Variants in TEX11 observed in about 807,000 individuals in gnomAD.
The protein encoded by TEX11 is testis expressed 11.
Under a neutral mutation model 84.4 loss-of-function variants are expected in TEX11, and 7 were observed. The ratio of observed to expected loss-of-function variants is 0.08; its 90% CI spans 0.05 to 0.16. TEX11 has a LOEUF of 0.16. Ranked by LOEUF, TEX11 falls within the 10% of genes least tolerant of loss-of-function variation. The pLI is 1.00. For synonymous variants in TEX11, 264 were observed against 222.8 expected, an observed-to-expected ratio of 1.18 and a Z score of -1.64; for missense variants, 551 against 660.5, an observed-to-expected ratio of 0.83 and a Z score of 1.82.
At chrX:70,772,640 C>T (rs2090978482) in intron 9 of TEX11, among the ~76,000 whole-genome samples, 2 of 111,201 alleles carry the variant, frequency 1.8e-5, no homozygotes, top group Non-Finnish European at 3.8e-5. Context: ...AAGCACCAGT[C>T]ACCAATTCTA....
chrX:70,873,329 C>G (rs779253502), intron 3 of TEX11, 22 bp from the exon 4 acceptor site: 134 of 1,065,313 alleles, frequency 1.3e-4, no homozygotes, highest in Non-Finnish European at 1.7e-4. Context: ...GAAACATTTC[C>G]TTAGTTAGTT....
chrX:70,769,250 A>G (rs1396576828), intron 9 of TEX11, among the ~76,000 whole-genome samples: 1 of 111,657 alleles, frequency 9.0e-6, no homozygotes, highest in African/African-American at 3.2e-5. Context: ...TTGATCACTA[A>G]AAAACAATAG....
intron 16 of TEX11, among the ~76,000 whole-genome samples, chrX:70,661,924 A>G (rs1041117064): frequency 8.9e-6 from 1 of 112,052 alleles, no homozygotes; most frequent in African/African-American, 3.2e-5. Flanking sequence ...GGGAAAAAAC[A>G]GAGCAGAAAA....
At chrX:70,602,084 A>G (rs1341983201) in intron 24 of TEX11, among the ~76,000 whole-genome samples, 1 of 111,272 alleles carries the variant, frequency 9.0e-6, no homozygotes, top group Non-Finnish European at 1.9e-5. Flanking sequence ...GGCCGGGCAG[A>G]GGGGCTCCTC....
At position 70,624,105 on chromosome X, in the gene TEX11, GAGA is replaced by G. The variant is rs1028056670; in HGVS notation, c.1695-102_1695-100del. On this transcript the variant is annotated intron_variant, in intron 19 of 29. Coordinates refer to ENST00000374333, the MANE Select transcript of TEX11 (RefSeq NM_031276.3). ...TACTAACCTTGATTACTCTGGGAGG[GAGA>G]AGTGAGAAAAGAGAGGGTAAAGGGG... The G allele has an allele frequency of 2.0e-5, 11 of 550,096 alleles. No homozygotes were observed. In the African/African-American group the frequency reaches 2.6e-4, roughly 13 times the overall value. The allele number at this position is 550,096 out of a possible 1,213,427, so 45.3% of individuals were successfully genotyped here. A position where few individuals can be genotyped will look rare whatever the true frequency, so the allele number is the denominator to read the frequency against.
At chrX:70,583,053 T>A (rs887868880) in intron 25 of TEX11, among the ~76,000 whole-genome samples, 1 of 111,323 alleles carries the variant, frequency 9.0e-6, no homozygotes, top group East Asian at 2.8e-4. Flanking sequence ...TTTGTTTAAA[T>A]AGGTAACCAA....
chrX:70,644,675 A>G lies in TEX11; in HGVS notation c.1483+6775T>C, dbSNP rs745460609. Among the ~76,000 whole-genome samples, 801 of 92,226 alleles carry G rather than the reference A, an allele frequency of 8.7e-3. 7 individuals are homozygous for G. The highest frequency in any genetic ancestry group is 0.031 in the African/African-American group (779 of 25,258). The allele number at this position is 92,226 out of a possible 115,157, so 80.1% of individuals were successfully genotyped here. On this transcript the variant is annotated intron_variant, in intron 17 of 29. Transcript: ENST00000374333. ...TTCTCAGTAAACTATCGCAAGAACAAAAAACCAAACACCGCATATTCTCAC... is the reference window on the plus strand; with the variant it reads ...TTCTCAGTAAACTATCGCAAGAACAGAAAACCAAACACCGCATATTCTCAC...
At chrX:70,788,208 C>T (rs1444512912) in intron 9 of TEX11, among the ~76,000 whole-genome samples, 1 of 111,740 alleles carries the variant, frequency 8.9e-6, no homozygotes, top group Non-Finnish European at 1.9e-5. Flanking sequence ...TTAGCAAATG[C>T]TACAATGAGC....
intron 20 of TEX11, among the ~76,000 whole-genome samples, chrX:70,618,835 C>T (rs1294723746): frequency 8.9e-6 from 1 of 111,768 alleles, no homozygotes; most frequent in Non-Finnish European, 1.9e-5. Flanking sequence ...GAGATATATC[C>T]TCCTTGGAAT....
At chrX:70,797,567 G>T (rs759859091) in intron 9 of TEX11, among the ~76,000 whole-genome samples, 2 of 109,497 alleles carry the variant, frequency 1.8e-5, no homozygotes, top group African/African-American at 6.6e-5. Flanking sequence ...ATCAAAGCCA[G>T]ACAAGGACAT....
chrX:70,743,021 T>C (rs1436228661), intron 10 of TEX11, among the ~76,000 whole-genome samples: 3 of 111,497 alleles, frequency 2.7e-5, no homozygotes, highest in Non-Finnish European at 3.8e-5. Flanking sequence ...TGAAACTCTA[T>C]ACCCACTAAA....
At chrX:70,734,455 A>T (rs1287626433) in intron 11 of TEX11, among the ~76,000 whole-genome samples, 1 of 111,726 alleles carries the variant, frequency 9.0e-6, no homozygotes, top group Non-Finnish European at 1.9e-5. Context: ...AAAGTTTCCA[A>T]TTCAACATAA....
intron 9 of TEX11, among the ~76,000 whole-genome samples, chrX:70,793,129 C>T (rs908515212): frequency 9.0e-6 from 1 of 111,316 alleles, no homozygotes; most frequent in Admixed American, 9.6e-5. Flanking sequence ...AAAATGCATT[C>T]AATAAAATCC....
chrX:70,639,693 C>A (rs747034576), intron 17 of TEX11, among the ~76,000 whole-genome samples: 4 of 111,594 alleles, frequency 3.6e-5, no homozygotes, highest in Non-Finnish European at 5.7e-5. Flanking sequence ...CTCCAGCAGA[C>A]CTGCAGCTGA....
chrX:70,619,000 C>T (rs918750480), intron 20 of TEX11, among the ~76,000 whole-genome samples: 2 of 111,457 alleles, frequency 1.8e-5, no homozygotes, highest in African/African-American at 3.3e-5. Flanking sequence ...AGATAGACTC[C>T]TCTGTTTTTC....
At chrX:70,868,820 T>A (rs1398660505) in intron 4 of TEX11, among the ~76,000 whole-genome samples, 1 of 109,422 alleles carries the variant, frequency 9.1e-6, no homozygotes, top group African/African-American at 3.3e-5. Flanking sequence ...AAGTGGGAGT[T>A]GAACAATGAG....
chrX:70,849,589 G>A (rs912058490), intron 7 of TEX11, among the ~76,000 whole-genome samples: 7 of 111,809 alleles, frequency 6.3e-5, no homozygotes, highest in African/African-American at 1.9e-4. Context: ...TTAGGACAGA[G>A]AAAACTCATT....
intron 28 of TEX11, among the ~76,000 whole-genome samples, chrX:70,542,599 G>A (rs1157228534): frequency 1.8e-5 from 2 of 111,915 alleles, no homozygotes; most frequent in Non-Finnish European, 3.8e-5. Flanking sequence ...ATTGCTGTTG[G>A]AGGTTGTACG....
chrX:70,885,889 A>AAG, intron 2 of TEX11, among the ~76,000 whole-genome samples: 1 of 69,398 alleles, frequency 1.4e-5, no homozygotes, highest in Admixed American at 2.1e-4. Flanking sequence ...ACACTGCCAC[A>AAG]AAAAAAAAAA....
Sources: gnomAD v4.1 joint callset for allele counts (sites outside exome capture counted in the v4.1 genomes callset) on GRCh38, gnomAD v4.1.1 for gene constraint, MANE v1.5 for transcripts, NCBI Gene and HGNC (gene_info 2026-07-23, HGNC 2026-07-21) for gene names.